The following BCL11B variants were observed in gnomAD, a reference collection of about 807,000 sequenced individuals.
BCL11B encodes B-cell lymphoma/leukemia 11B.
A neutral mutation model predicts 49.9 loss-of-function variants in BCL11B; 8 were observed. That is an observed-to-expected ratio of 0.16 (90% CI 0.09 to 0.29). The LOEUF is 0.29. Ranked by LOEUF, BCL11B falls within the 10% of genes least tolerant of loss-of-function variation. The pLI is 1.00. For missense variants in BCL11B, 1,006 were observed against 1,351.0 expected (o/e 0.74, Z 4.00); for synonymous variants, 739 against 637.4 (o/e 1.16, Z -2.40).
chr14:99,200,146 G>A (rs941950021), intron 3 of BCL11B, among the ~76,000 whole-genome samples: 2 of 151,884 alleles, frequency 1.3e-5, no homozygotes, highest in East Asian at 1.9e-4. Flanking sequence ...CACACATCAC[G>A]GGTGCGCAGT....
rs35227654 is a variant in BCL11B at position 99,176,920 on chromosome 14, CT to C, written c.641-726del. ...AAATCAAACTGTACTATCCTGCAAA[CT>C]TTTTTTTTTTTAAGAGAAATAGCTG... On this transcript the variant is annotated intron_variant, in intron 3 of 3. Coordinates refer to ENST00000357195, the MANE Select transcript of BCL11B (RefSeq NM_138576.4). Among the ~76,000 whole-genome samples the C allele has an allele frequency of 1.6e-3, 229 of 146,600 alleles. 1 individual carries two copies. Among genetic ancestry groups the C allele is most frequent in the Admixed American group, 1.5e-3 (22 of 14,692 alleles).
Position 99,257,665 on chromosome 14 carries a change from C to G in BCL11B, c.233G>C (p.Arg78Thr). 6.2e-7 allele frequency: 1 copy of G among 1,612,824 alleles called. No individual in the cohort carries two copies. The highest frequency in any genetic ancestry group is 8.5e-7 in the Non-Finnish European group (1 of 1,179,110). Residue 78 changes from arginine (R) to threonine (T), a missense_variant, in exon 2 of 4, where the codon AGG (arginine) becomes ACG (threonine). Arg to Thr is a moderately conservative substitution (Grantham distance 71, BLOSUM62 -1). This residue lies in a region of BCL11B where 411 missense variants were observed against 542.2 expected (regional missense o/e 0.76). Transcript: ENST00000357195. The surrounding 1 kb of genome is among the most constrained non-coding windows in gnomAD (Gnocchi z 6.2). The part of the protein sequence containing the change: ...GDILVFIEHK[R>T]KQCGGSLGAC... ...ACCCAAGCTGCCGCCACACTGCTTC[C>G]TTTTGTGCTCTATAAAAACCAGGAT...
intron 2 of BCL11B, among the ~76,000 whole-genome samples, chr14:99,246,439 G>A (rs1888840717): frequency 6.6e-6 from 1 of 152,208 alleles, no homozygotes; most frequent in Admixed American, 6.5e-5. Context: ...AGAGGCCGGC[G>A]GCCAGGCGGG....
At chr14:99,225,697 C>A (rs1378620646) in intron 3 of BCL11B, among the ~76,000 whole-genome samples, 1 of 152,176 alleles carries the variant, frequency 6.6e-6, no homozygotes, top group Non-Finnish European at 1.5e-5. Context: ...AAATGCCTCT[C>A]CTGTCAGAGC....
At chr14:99,200,229 C>T (rs1456224452) in intron 3 of BCL11B, among the ~76,000 whole-genome samples, 1 of 152,152 alleles carries the variant, frequency 6.6e-6, no homozygotes, top group Non-Finnish European at 1.5e-5. Context: ...GAGAGAAGAG[C>T]CTGCTGTCCT....
At chr14:99,203,653 C>T (rs1887450116) in intron 3 of BCL11B, among the ~76,000 whole-genome samples, 2 of 152,138 alleles carry the variant, frequency 1.3e-5, no homozygotes, top group Non-Finnish European at 2.9e-5. Flanking sequence ...TTCAGTGAGT[C>T]ATTCTTTACT....
chr14:99,189,744 G>A (rs1325558566), intron 3 of BCL11B, among the ~76,000 whole-genome samples: 4 of 152,216 alleles, frequency 2.6e-5, no homozygotes. Flanking sequence ...CCAGGCTGAT[G>A]ACAAAGCCAG....
intron 3 of BCL11B, among the ~76,000 whole-genome samples, chr14:99,177,329 G>A (rs534223460): frequency 6.6e-6 from 1 of 151,912 alleles, no homozygotes; most frequent in South Asian, 2.1e-4. Flanking sequence ...GCAAATTGTA[G>A]CGAACACTCG....
chr14:99,221,125 G>T (rs1887996149), intron 3 of BCL11B, among the ~76,000 whole-genome samples: 1 of 152,092 alleles, frequency 6.6e-6, no homozygotes, highest in Non-Finnish European at 1.5e-5. Context: ...CAAAGTGCTG[G>T]GATTACAGGC....
At chr14:99,237,790 C>T (rs144146033) in intron 2 of BCL11B, among the ~76,000 whole-genome samples, 6 of 152,202 alleles carry the variant, frequency 3.9e-5, no homozygotes, top group African/African-American at 9.6e-5. Flanking sequence ...TCTATGTGGG[C>T]GGCTAGCTGA....
intron 2 of BCL11B, among the ~76,000 whole-genome samples, chr14:99,253,131 A>G (rs10138205): frequency 0.019 from 2,868 of 152,276 alleles, 59 homozygotes; most frequent in East Asian, 0.048. Flanking sequence ...AACGGAGGCC[A>G]AGAAAAGTGA....
rs759690552 is a variant in BCL11B at position 99,175,772 on chromosome 14, G to C, written c.1064C>G (p.Ala355Gly). 2.0e-6 allele frequency: 3 copies of C among 1,470,260 alleles called. No homozygotes were observed. The allele number at this position is 1,470,260 out of a possible 1,614,324, so 91.1% of individuals were successfully genotyped here. ...FDRVMRLNPMAIDSPAMDFSR... is the reference protein window; with the variant it reads ...FDRVMRLNPMGIDSPAMDFSR... ...GAAGTCCATGGCGGGCGAGTCGATGGCCATGGGGTTCAGGCGCATGACTCG... is the reference window on the plus strand; with the variant it reads ...GAAGTCCATGGCGGGCGAGTCGATGCCCATGGGGTTCAGGCGCATGACTCG... Residue 355 changes from alanine to glycine, a missense_variant, in exon 4 of 4, where the codon GCC becomes GGC. Around this residue, in one of 6 missense-constraint regions of BCL11B, gnomAD observed 411 missense variants for 542.2 expected, o/e 0.76. Transcript: ENST00000357195.
At chr14:99,235,045 A>G (rs1888453179) in intron 2 of BCL11B, among the ~76,000 whole-genome samples, 2 of 152,080 alleles carry the variant, frequency 1.3e-5, no homozygotes, top group South Asian at 2.1e-4. Flanking sequence ...CGTTCCTCAC[A>G]CATGCGCACT....
chr14:99,174,932 TCGCCCGCGTCCCCGC>T lies in BCL11B; in HGVS notation c.1889_1903del (p.Gly630_Gly634del), dbSNP rs768249265. ...CCCGCAGCCGCCCGCGTCGTCGTCGTCGCCCGCGTCCCCGCCGCCCGCCGCACGCTTCAGGAAGGC... is the reference window on the plus strand; with the variant it reads ...CCCGCAGCCGCCCGCGTCGTCGTCGTCGCCCGCCGCACGCTTCAGGAAGGC... On this transcript the variant is annotated inframe_deletion, in exon 4 of 4. Coordinates refer to ENST00000357195, the MANE Select transcript of BCL11B (RefSeq NM_138576.4). 11 of 1,330,516 alleles carry T rather than the reference TCGCCCGCGTCCCCGC, an allele frequency of 8.3e-6. No homozygotes were observed. The highest frequency in any genetic ancestry group is 3.5e-5 in the Admixed American group (1 of 28,352). 82.4% of individuals were successfully genotyped at this position (1,330,516 alleles called of 1,614,324 possible).
At chr14:99,182,021 T>C (rs1231712188) in intron 3 of BCL11B, among the ~76,000 whole-genome samples, 1 of 152,228 alleles carries the variant, frequency 6.6e-6, no homozygotes, top group Non-Finnish European at 1.5e-5. Context: ...GAGATGTCCA[T>C]TGGGCACCGC....
chr14:99,170,476 C>G lies in BCL11B; in HGVS notation c.*3675G>C. The G allele has an allele frequency of 4.4e-6, 1 of 227,706 alleles. No homozygotes were observed. Among genetic ancestry groups the G allele is most frequent in the Non-Finnish European group, 8.7e-6 (1 of 114,608 alleles). 14.1% of individuals were successfully genotyped at this position (227,706 alleles called of 1,614,324 possible). ...TATTCCCTCATCCAAAAGACCACCA[C>G]TTTATCTTAAAGCTACTTGGCTTTA... is the stretch of plus-strand genomic sequence containing the variant. On this transcript the variant is annotated 3_prime_UTR_variant, in exon 4 of 4. Transcript: ENST00000357195.
rs1212012184 is a variant in BCL11B at position 99,175,258 on chromosome 14, C to T, written c.1578G>A (p.Leu526=). ...DFRHHESDPS[L]GHEPEEEDEE... ...CGTCCTCCTCCTCCGGCTCGTGGCC[C>T]AGCGACGGGTCGCTCTCGTGGTGGC... is the stretch of plus-strand genomic sequence containing the variant. Residue 526 remains leucine (L), a synonymous_variant, in exon 4 of 4, where the codon CTG becomes CTA. Transcript: ENST00000357195. 1 of 1,543,416 alleles carries T rather than the reference C, an allele frequency of 6.5e-7. No individual in the cohort carries two copies. Among genetic ancestry groups the T allele is most frequent in the Admixed American group, 1.9e-5 (1 of 51,518 alleles).
At position 99,247,262 on chromosome 14, in the gene BCL11B, A is replaced by G. The variant is rs189800739; in HGVS notation, c.427+10209T>C. On this transcript the variant is annotated intron_variant, in intron 2 of 3. Coordinates refer to ENST00000357195, the MANE Select transcript of BCL11B (RefSeq NM_138576.4). This position sits in a 1 kb window ranked among gnomAD's most constrained non-coding sequence, Gnocchi z 4.5. ...TTTGCAGGGAAAGTTTTACAAGCCA[A>G]TGATGCAGAGAGAAGACCACACTGT... Among the ~76,000 whole-genome samples the G allele has an allele frequency of 1.7e-4, 26 of 152,302 alleles. No individual in the cohort carries two copies. The highest frequency in any genetic ancestry group is 2.6e-4 in the Non-Finnish European group (18 of 68,032).
chr14:99,247,415 G>A lies in BCL11B; in HGVS notation c.427+10056C>T, dbSNP rs1595071914. 6.6e-6 allele frequency among the ~76,000 whole-genome samples: 1 copy of A among 152,156 alleles called. No individual in the cohort carries two copies. The highest frequency in any genetic ancestry group is 1.5e-5 in the Non-Finnish European group (1 of 68,030). On this transcript the variant is annotated intron_variant, in intron 2 of 3. Transcript: ENST00000357195. This position sits in a 1 kb window ranked among gnomAD's most constrained non-coding sequence, Gnocchi z 4.5. ...AGTTTTTAGCCAGCTGCTGAAGGTG[G>A]CAGGGAGTCACTGAAGGTTTGTCCC... is the stretch of plus-strand genomic sequence containing the variant.
Sources: allele counts gnomAD v4.1 joint callset (sites outside exome capture counted in the v4.1 genomes callset), GRCh38; gene constraint gnomAD v4.1.1; regional missense constraint gnomAD v4.1.1; non-coding constraint Gnocchi (gnomAD v3.1); transcripts MANE v1.5; gene names NCBI Gene and HGNC (gene_info 2026-07-23, HGNC 2026-07-21).